Variants in DNMBP observed in about 807,000 individuals in gnomAD.
DNMBP encodes dynamin-binding protein.
A neutral mutation model predicts 150.0 loss-of-function variants in DNMBP; 87 were observed. That is an observed-to-expected ratio of 0.58 (90% confidence interval 0.49 to 0.69). The LOEUF (loss-of-function observed/expected upper bound fraction) is 0.69, where lower values mean the gene tolerates loss of function less well. DNMBP is among the 30% of genes least tolerant of loss of function. The pLI, the probability that DNMBP is intolerant of heterozygous loss-of-function variation, is 0.00. For missense variants in DNMBP, 1,774 were observed against 1,949.0 expected, an observed-to-expected ratio of 0.91 and a Z score of 1.69; for synonymous variants, 711 against 750.4, an observed-to-expected ratio of 0.95 and a Z score of 0.86.
chr10:99,973,467 T>G (rs1307392420), intron 1 of DNMBP, among the ~76,000 whole-genome samples: 1 of 152,204 alleles, frequency 6.6e-6, no homozygotes, highest in Non-Finnish European at 1.5e-5. Context: ...AGTAGAGATT[T>G]TAAATATGGC....
In DNMBP at chr10:99,877,144, C is replaced by T. The variant is rs774391965; in HGVS notation, c.*7G>A. ...GGCAGCAAGGCTGGGTGGCAGGCAA[C>T]GTGGGCTCAGGTGTACTCGGTTTTG... On this transcript the variant is annotated 3_prime_UTR_variant, in exon 17 of 17. Transcript: ENST00000324109. 9.4e-6 allele frequency: 15 copies of T among 1,599,262 alleles called. No homozygotes were observed. The highest frequency in any genetic ancestry group is 4.0e-5 in the African/African-American group (3 of 74,280).
At chr10:99,998,020 G>A (rs1415342527) in intron 1 of DNMBP, among the ~76,000 whole-genome samples, 1 of 149,176 alleles carries the variant, frequency 6.7e-6, no homozygotes, top group Non-Finnish European at 1.5e-5. Flanking sequence ...CAGATCACAA[G>A]GTCAGGAGAT....
chr10:99,974,796 A>G (rs748115869), intron 1 of DNMBP, among the ~76,000 whole-genome samples: 38 of 152,172 alleles, frequency 2.5e-4, no homozygotes, highest in Admixed American at 7.9e-4. Context: ...TATTTATGAG[A>G]CAGGGTCCTA....
chr10:99,907,030 G>T (rs1418727072), intron 6 of DNMBP, among the ~76,000 whole-genome samples: 1 of 152,112 alleles, frequency 6.6e-6, no homozygotes, highest in African/African-American at 2.4e-5. Context: ...AAAAGTTTCA[G>T]CCAGATGTGG....
intron 4 of DNMBP, among the ~76,000 whole-genome samples, chr10:99,925,597 T>C (rs1589421290): frequency 6.6e-6 from 1 of 152,036 alleles, no homozygotes; most frequent in East Asian, 1.9e-4. Flanking sequence ...TGTATTTTTG[T>C]ACACAGGGGG....
intron 4 of DNMBP, among the ~76,000 whole-genome samples, chr10:99,931,989 G>C (rs888059413): frequency 2.0e-5 from 3 of 152,194 alleles, no homozygotes; most frequent in African/African-American, 7.2e-5. Context: ...ATAATACGTG[G>C]AAAATAAGAG....
At chr10:99,987,742 A>G (rs2040843911) in intron 1 of DNMBP, among the ~76,000 whole-genome samples, 1 of 152,142 alleles carries the variant, frequency 6.6e-6, no homozygotes, top group Admixed American at 6.6e-5. Context: ...GTCAAAAAAA[A>G]AAAAAGATGA....
At position 99,955,732 on chromosome 10, in the gene DNMBP, T is replaced by C; in HGVS notation, c.1742A>G (p.Asp581Gly). ...GACAATATCCTTCTCAGAGTTAAAGTCCATGATTGAAAAGTGGCGTAAAAT... is the reference window on the plus strand; with the variant it reads ...GACAATATCCTTCTCAGAGTTAAAGCCCATGATTGAAAAGTGGCGTAAAAT... ...DKILRHFSIM[D>G]FNSEKDIVRG... Residue 581 changes from aspartate to glycine, a missense_variant, in exon 4 of 17, where the codon GAC becomes GGC. Coordinates refer to ENST00000324109, the MANE Select transcript of DNMBP (RefSeq NM_015221.4). 6.2e-7 allele frequency: 1 copy of C among 1,614,238 alleles called. No individual in the cohort carries two copies. Among genetic ancestry groups the C allele is most frequent in the African/African-American group, 1.3e-5 (1 of 75,060 alleles).
chr10:99,935,094 A>C, intron 4 of DNMBP, among the ~76,000 whole-genome samples: 1 of 148,452 alleles, frequency 6.7e-6, no homozygotes, highest in South Asian at 2.1e-4. Context: ...CCACAAAAAA[A>C]AAAAAAAAAA....
intron 1 of DNMBP, among the ~76,000 whole-genome samples, chr10:100,007,344 T>A (rs2041085210): frequency 6.6e-6 from 1 of 152,174 alleles, no homozygotes; most frequent in Non-Finnish European, 1.5e-5. Flanking sequence ...TTCAAACTGG[T>A]TCCCCCTCCC....
At chr10:99,952,905 T>C (rs1358408922) in intron 4 of DNMBP, among the ~76,000 whole-genome samples, 2 of 152,192 alleles carry the variant, frequency 1.3e-5, no homozygotes, top group African/African-American at 2.4e-5. Flanking sequence ...TTATCTCTTA[T>C]TAGTATCCTG....
At chr10:99,916,126 TTAATA>T (rs1224583400) in intron 4 of DNMBP, among the ~76,000 whole-genome samples, 1 of 152,234 alleles carries the variant, frequency 6.6e-6, no homozygotes, top group Admixed American at 6.5e-5. Flanking sequence ...TTTGCACATA[TTAATA>T]TGATTGCATT....
In DNMBP at chr10:99,885,867, C is replaced by T. The variant is rs767042808; in HGVS notation, c.3619-1G>A. Reference sequence around the variant, plus strand: ...CCTCTCTGCCAGCCACTTTGAGTAACTGGGGTCCATGGGAAGAGCAGAGAT... The same window carrying T: ...CCTCTCTGCCAGCCACTTTGAGTAATTGGGGTCCATGGGAAGAGCAGAGAT... On this transcript the variant is annotated splice_acceptor_variant, in intron 13 of 16. Transcript: ENST00000324109. LOFTEE classifies it high-confidence loss of function. 1 of 1,609,732 alleles carries T rather than the reference C, an allele frequency of 6.2e-7. No homozygotes were observed. The highest frequency in any genetic ancestry group is 2.2e-5 in the East Asian group (1 of 44,840).
At chr10:99,996,454 C>T (rs1045246729) in intron 1 of DNMBP, among the ~76,000 whole-genome samples, 3 of 152,098 alleles carry the variant, frequency 2.0e-5, no homozygotes, top group Non-Finnish European at 2.9e-5. Flanking sequence ...CAGGAGGCAG[C>T]GGTTGCAGTG....
intron 1 of DNMBP, among the ~76,000 whole-genome samples, chr10:99,995,716 C>A (rs888518156): frequency 6.6e-6 from 1 of 150,814 alleles, no homozygotes; most frequent in Non-Finnish European, 1.5e-5. Context: ...AAAGTGAATA[C>A]ACAGAGAGAC....
chr10:99,898,404 T>C, intron 8 of DNMBP, 119 bp from the exon 9 acceptor site: 5 of 784,086 alleles, frequency 6.4e-6, no homozygotes, highest in Non-Finnish European at 1.1e-5. Flanking sequence ...AATGTACACC[T>C]ATGGGCAGGA....
intron 11 of DNMBP, among the ~76,000 whole-genome samples, chr10:99,893,129 C>CAAAG (rs1032175249): frequency 6.6e-6 from 1 of 152,158 alleles, no homozygotes; most frequent in Non-Finnish European, 1.5e-5. Flanking sequence ...CTCTTGCAGG[C>CAAAG]AAAGATAAAA....
At chr10:99,976,968 T>A (rs1033307995) in intron 1 of DNMBP, among the ~76,000 whole-genome samples, 14 of 152,320 alleles carry the variant, frequency 9.2e-5, no homozygotes, top group Admixed American at 7.9e-4. Context: ...AAGTAAAGAA[T>A]TAGCATAAAC....
intron 4 of DNMBP, chr10:99,929,878 A>G (rs1325127634): frequency 4.3e-6 from 3 of 702,776 alleles, no homozygotes; most frequent in Non-Finnish European, 7.8e-6. Context: ...GTGCCATTAT[A>G]CTCCAAATTC....
Sources: allele counts gnomAD v4.1 joint callset (sites outside exome capture counted in the v4.1 genomes callset), GRCh38; gene constraint gnomAD v4.1.1; transcripts MANE v1.5; gene names NCBI Gene and HGNC (gene_info 2026-07-23, HGNC 2026-07-21).